Variants in ADARB2 observed in about 807,000 individuals in gnomAD.
ADARB2 encodes the protein adenosine deaminase RNA specific B2 (inactive).
ADARB2 carries 25 observed loss-of-function variants against 62.2 expected under a neutral mutation model. That is an observed-to-expected ratio of 0.40 (90% CI 0.29 to 0.56). The LOEUF (loss-of-function observed/expected upper bound fraction) is 0.56. Among genes scored for constraint, ADARB2 ranks in the 20% least tolerant of loss-of-function variants. The pLI, the probability that ADARB2 is intolerant of heterozygous loss-of-function variation, is 0.43. For synonymous variants in ADARB2, 572 were observed against 500.8 expected (o/e 1.14, Z -1.90); for missense variants, 1,071 against 1,077.4 (o/e 0.99, Z 0.08).
At chr10:1,404,315 C>T (rs1374732445) in intron 1 of ADARB2, among the ~76,000 whole-genome samples, 9 of 152,170 alleles carry the variant, frequency 5.9e-5, no homozygotes, top group Admixed American at 2.0e-4. Context: ...AGGCTGGTCT[C>T]GCAGGCCCTA....
rs114844339 is a variant in ADARB2, at chr10:1,513,561, G to A, written c.101-134401C>T. Among the ~76,000 whole-genome samples the A allele has an allele frequency of 7.8e-3, 1,188 of 152,304 alleles. 18 individuals carry two copies. The highest frequency in any genetic ancestry group is 0.025 in the African/African-American group (1,046 of 41,572). On this transcript the variant is annotated intron_variant, in intron 1 of 9. Coordinates refer to ENST00000381312, the MANE Select transcript of ADARB2 (RefSeq NM_018702.4). The stretch of plus-strand genomic sequence containing the variant: ...CCAGGAGTCTCTCATGATGGAGCGC[G>A]CTGGGAAGGGCTACTCTGGGGTGGA...
chr10:1,346,629 G>T (rs1832083335), intron 3 of ADARB2, among the ~76,000 whole-genome samples: 1 of 152,226 alleles, frequency 6.6e-6, no homozygotes, highest in African/African-American at 2.4e-5. Flanking sequence ...CCTTTACAGA[G>T]GCACTTGGTA....
intron 1 of ADARB2, among the ~76,000 whole-genome samples, chr10:1,505,855 T>C (rs1356710047): frequency 6.6e-6 from 1 of 152,206 alleles, no homozygotes; most frequent in South Asian, 2.1e-4. Context: ...AGCTCCATCG[T>C]GTTCTATTTC....
At position 1,182,075 on chromosome 10, in the gene ADARB2, T is replaced by A. The variant is rs1388498275; in HGVS notation, c.*1118A>T. On this transcript the variant is annotated 3_prime_UTR_variant, in exon 10 of 10. Transcript: ENST00000381312. The stretch of plus-strand genomic sequence containing the variant: ...ACAGCTGAACTTTTTTGGGGTCTTG[T>A]CCTGCAAGGTGTTGATTGGAGAATC... 6.6e-6 allele frequency: 1 copy of A among 152,234 alleles called. No homozygotes were observed. The highest frequency in any genetic ancestry group is 1.5e-5 in the Non-Finnish European group (1 of 68,046). The allele number at this position is 152,234 out of a possible 1,614,324, so 9.4% of individuals were successfully genotyped here.
intron 2 of ADARB2, among the ~76,000 whole-genome samples, chr10:1,370,002 A>C (rs1832353529): frequency 6.6e-6 from 1 of 152,212 alleles, no homozygotes; most frequent in Non-Finnish European, 1.5e-5. Flanking sequence ...GCCTTGTTAG[A>C]TCAATGGAGA....
chr10:1,433,299 G>A (rs1830795989), intron 1 of ADARB2, among the ~76,000 whole-genome samples: 1 of 152,186 alleles, frequency 6.6e-6, no homozygotes, highest in Admixed American at 6.5e-5. Flanking sequence ...ATGCATGGAA[G>A]TGCTGCACTG....
intron 2 of ADARB2, among the ~76,000 whole-genome samples, chr10:1,365,335 C>G (rs10794739): frequency 0.12 from 18,023 of 152,072 alleles, 1,747 homozygotes; most frequent in East Asian, 0.45. Context: ...AGTGTTCCCA[C>G]CGCTCCACGG....
At chr10:1,561,044 C>G (rs1367851857) in intron 1 of ADARB2, among the ~76,000 whole-genome samples, 3 of 152,104 alleles carry the variant, frequency 2.0e-5, no homozygotes, top group Non-Finnish European at 4.4e-5. Flanking sequence ...ACAGGGGTAC[C>G]ACTAAATTTT....
intron 4 of ADARB2, among the ~76,000 whole-genome samples, chr10:1,263,447 A>G (rs1831163603): frequency 6.6e-6 from 1 of 152,228 alleles, no homozygotes; most frequent in African/African-American, 2.4e-5. Context: ...ACTCATAGTC[A>G]AAGAGACCAG....
intron 1 of ADARB2, among the ~76,000 whole-genome samples, chr10:1,540,907 ATGTAGTTCAGACC>A (rs1169454253): frequency 6.3e-5 from 4 of 63,538 alleles, no homozygotes; most frequent in African/African-American, 2.5e-4. Flanking sequence ...CCCCACTCAG[ATGTAGTTCAGACC>A]CTGGATCCGT....
At chr10:1,521,566 C>T (rs1050557694) in intron 1 of ADARB2, among the ~76,000 whole-genome samples, 4 of 152,170 alleles carry the variant, frequency 2.6e-5, no homozygotes, top group African/African-American at 9.7e-5. Flanking sequence ...CAACACAGAC[C>T]TTAAGTCTGA....
chr10:1,473,153 TTGGG>T (rs1183220266), intron 1 of ADARB2, among the ~76,000 whole-genome samples: 1 of 152,110 alleles, frequency 6.6e-6, no homozygotes, highest in East Asian at 1.9e-4. Context: ...TGGAAGAGGC[TTGGG>T]CCTCTTCCAA....
chr10:1,457,748 C>A (rs1831112680), intron 1 of ADARB2, among the ~76,000 whole-genome samples: 1 of 152,158 alleles, frequency 6.6e-6, no homozygotes, highest in South Asian at 2.1e-4. Flanking sequence ...AATCCCTCAG[C>A]CTTTCAGGAT....
intron 1 of ADARB2, among the ~76,000 whole-genome samples, chr10:1,694,379 C>T (rs552491126): frequency 1.3e-5 from 2 of 152,364 alleles, no homozygotes; most frequent in East Asian, 3.9e-4. Flanking sequence ...ACAATCTCTT[C>T]TGAGGGTCAC....
intron 3 of ADARB2, among the ~76,000 whole-genome samples, chr10:1,360,746 C>A (rs1253359760): frequency 6.6e-6 from 1 of 152,170 alleles, no homozygotes; most frequent in Non-Finnish European, 1.5e-5. Flanking sequence ...TGCTCTGCGC[C>A]CTTCGTCATC....
intron 1 of ADARB2, among the ~76,000 whole-genome samples, chr10:1,730,151 A>G (rs190482948): frequency 6.6e-6 from 1 of 152,316 alleles, no homozygotes; most frequent in African/African-American, 2.4e-5. Context: ...CATTTTATTT[A>G]TGATCCAAAT....
chr10:1,290,835 ATAAAC>A (rs1365781613), intron 3 of ADARB2: 1 of 152,258 alleles, frequency 6.6e-6, no homozygotes, highest in Non-Finnish European at 1.5e-5. Context: ...AACACAGAAA[ATAAAC>A]TAAAAACCAC....
chr10:1,442,994 G>T (rs1035564400), intron 1 of ADARB2, among the ~76,000 whole-genome samples: 3 of 152,174 alleles, frequency 2.0e-5, no homozygotes, highest in Middle Eastern at 3.4e-3. Context: ...GAGCAAAGAG[G>T]GATGAAAACT....
intron 3 of ADARB2, among the ~76,000 whole-genome samples, chr10:1,311,495 G>A (rs982139464): frequency 1.2e-4 from 19 of 152,100 alleles, no homozygotes; most frequent in Non-Finnish European, 2.1e-4. Flanking sequence ...GACACCTGAC[G>A]TTGTTGTTTA....
Sources: allele counts gnomAD v4.1 joint callset (sites outside exome capture counted in the v4.1 genomes callset), GRCh38; gene constraint gnomAD v4.1.1; transcripts MANE v1.5; gene names NCBI Gene and HGNC (gene_info 2026-07-23, HGNC 2026-07-21).